Variants in NF2 observed in about 807,000 individuals in gnomAD.
NF2 encodes merlin.
NF2 carries 8 observed loss-of-function variants against 83.7 expected under a neutral mutation model. The observed-to-expected ratio is 0.10, with a 90% CI of 0.06 to 0.17. The LOEUF (loss-of-function observed/expected upper bound fraction) is 0.17. Among genes scored for constraint, NF2 ranks in the 10% least tolerant of loss-of-function variants. The probability of loss-of-function intolerance (pLI) is 1.00; values close to 1 mark genes in which losing one functional copy is unlikely to be tolerated. For synonymous variants in NF2, 266 were observed against 269.6 expected, an observed-to-expected ratio of 0.99 and a Z score of 0.13; for missense variants, 533 against 744.4, an observed-to-expected ratio of 0.72 and a Z score of 3.31.
intron 15 of NF2, among the ~76,000 whole-genome samples, chr22:29,688,865 T>C (rs1875972375): frequency 6.6e-6 from 1 of 152,230 alleles, no homozygotes; most frequent in Admixed American, 6.5e-5. Context: ...TGGGTGCAGC[T>C]GTCCCTAGCC....
chr22:29,613,429 G>T (rs190582615), intron 1 of NF2, among the ~76,000 whole-genome samples: 33 of 152,196 alleles, frequency 2.2e-4, no homozygotes, highest in Admixed American at 2.0e-3. Flanking sequence ...GCTTGGGAGG[G>T]CTGAGGCACA....
At chr22:29,628,567 A>G (rs1375083917) in intron 1 of NF2, among the ~76,000 whole-genome samples, 1 of 150,616 alleles carries the variant, frequency 6.6e-6, no homozygotes, top group Non-Finnish European at 1.5e-5. Flanking sequence ...GCAGAAACTG[A>G]CAGGGCAAGA....
At chr22:29,634,156 A>G (rs1349948927) in intron 1 of NF2, among the ~76,000 whole-genome samples, 1 of 152,206 alleles carries the variant, frequency 6.6e-6, no homozygotes, top group East Asian at 1.9e-4. Flanking sequence ...GCAGCTGGCA[A>G]AGAATCCTGT....
intron 8 of NF2, among the ~76,000 whole-genome samples, chr22:29,662,075 TCATC>T (rs1005945846): frequency 5.3e-5 from 8 of 152,250 alleles, no homozygotes; most frequent in Admixed American, 5.2e-4. Flanking sequence ...TTATGTTTAC[TCATC>T]CATCCATTCA....
intron 7 of NF2, among the ~76,000 whole-genome samples, chr22:29,660,441 A>G (rs1754387840): frequency 6.6e-6 from 1 of 152,174 alleles, no homozygotes; most frequent in Non-Finnish European, 1.5e-5. Flanking sequence ...ATTTTACCAG[A>G]CTTGCTTTAT....
chr22:29,616,647 C>G (rs1461861646), intron 1 of NF2, among the ~76,000 whole-genome samples: 1 of 151,242 alleles, frequency 6.6e-6, no homozygotes. Context: ...GAGGCTGAGG[C>G]AGGAGAATCA....
rs1453410845 is a variant in NF2 at position 29,697,048 on chromosome 22, C to T, written c.*2246C>T. 2 of 189,730 alleles carry T rather than the reference C, an allele frequency of 1.1e-5. No homozygotes were observed. Among genetic ancestry groups the T allele is most frequent in the Non-Finnish European group, 1.1e-5 (1 of 90,364 alleles). 11.8% of individuals were successfully genotyped at this position (189,730 alleles called of 1,614,324 possible). On this transcript the variant is annotated 3_prime_UTR_variant, in exon 16 of 16. Coordinates refer to ENST00000338641, the MANE Select transcript of NF2 (RefSeq NM_000268.4). ...GCCAGACTGGTCTCGAACTCCTGAC[C>T]TCAGGTGATCCTCCCACCCCGGCTT...
At position 29,661,320 on chromosome 22, in the gene NF2, T is replaced by G; in HGVS notation, c.791T>G (p.Ile264Ser). Reference sequence around the variant, plus strand: ...TTCCCGTGGAATGAAATCCGAAACATCTCGTACAGTGACAAGGAGGTAGGA... The same window carrying G: ...TTCCCGTGGAATGAAATCCGAAACAGCTCGTACAGTGACAAGGAGGTAGGA... ...ISFPWNEIRN[I>S]SYSDKEFTIK... Residue 264 changes from isoleucine (I) to serine (S), a missense_variant, in exon 8 of 16, where the codon ATC becomes AGC. By Grantham distance (142) the Ile-to-Ser change is moderately radical. This residue lies in a region of NF2 where 326 missense variants were observed against 475.1 expected (regional missense o/e 0.69). Transcript: ENST00000338641. 6.2e-7 allele frequency: 1 copy of G among 1,614,082 alleles called. No homozygotes were observed. The highest frequency in any genetic ancestry group is 8.5e-7 in the Non-Finnish European group (1 of 1,180,028).
chr22:29,698,355 C>T lies in NF2; in HGVS notation c.*3553C>T, dbSNP rs553652217. On this transcript the variant is annotated 3_prime_UTR_variant, in exon 16 of 16. Transcript: ENST00000338641. ...GTTCCTCACTGACAGGGTGGGGCCT[C>T]ACCACCCCTGGAGGGAGCAGCGTTG... 2 of 221,538 alleles carry T rather than the reference C, an allele frequency of 9.0e-6. No homozygotes were observed. The highest frequency in any genetic ancestry group is 1.8e-4 in the South Asian group (1 of 5,416). The allele number at this position is 221,538 out of a possible 1,614,324, so 13.7% of individuals were successfully genotyped here. A position where few individuals can be genotyped will look rare whatever the true frequency, so the allele number is the denominator to read the frequency against.
chr22:29,664,677 C>T (rs772733210), intron 8 of NF2, among the ~76,000 whole-genome samples: 1 of 152,226 alleles, frequency 6.6e-6, no homozygotes, highest in Non-Finnish European at 1.5e-5. Flanking sequence ...ATGCCCTCGA[C>T]TACAGTAGCC....
chr22:29,680,275 C>T (rs1340333714), intron 14 of NF2, among the ~76,000 whole-genome samples: 1 of 152,152 alleles, frequency 6.6e-6, no homozygotes, highest in Non-Finnish European at 1.5e-5. Context: ...TCACGCCCAG[C>T]TAACTTTTGT....
intron 8 of NF2, among the ~76,000 whole-genome samples, chr22:29,663,731 A>G (rs1292065024): frequency 1.3e-5 from 2 of 152,236 alleles, no homozygotes; most frequent in East Asian, 3.8e-4. Context: ...TTCTTGGGCA[A>G]TATAACGTGT....
At chr22:29,669,978 G>T (rs2527335) in intron 10 of NF2, among the ~76,000 whole-genome samples, 95,527 of 151,810 alleles carry the variant, frequency 0.63, 30,289 homozygotes, top group East Asian at 0.79. Flanking sequence ...GAAAGTACAG[G>T]GCCAGGAACT....
intron 15 of NF2, 144 bp downstream of exon 15, chr22:29,681,745 A>C: frequency 1.0e-6 from 1 of 968,428 alleles, no homozygotes. Context: ...TTTTTAACTT[A>C]TGCCAGAAAG....
intron 7 of NF2, among the ~76,000 whole-genome samples, chr22:29,658,624 T>TCCCCAC (rs921374908): frequency 1.2e-3 from 34 of 28,308 alleles, no homozygotes; most frequent in African/African-American, 4.7e-3. Flanking sequence ...CCCACCCCCA[T>TCCCCAC]CCCCACCCCC....
chr22:29,615,185 AAAAAAC>A (rs1456776932), intron 1 of NF2, among the ~76,000 whole-genome samples: 6 of 152,198 alleles, frequency 3.9e-5, no homozygotes, highest in Admixed American at 2.6e-4. Flanking sequence ...CTCTGTCTGG[AAAAAAC>A]AAAAACAAAA....
chr22:29,693,522 C>T (rs2283864), intron 15 of NF2, among the ~76,000 whole-genome samples: 5 of 152,008 alleles, frequency 3.3e-5, no homozygotes, highest in Admixed American at 1.3e-4. Flanking sequence ...CCGATAGTAC[C>T]GAGGACTCTT....
At chr22:29,605,208 C>T (rs750282233) in intron 1 of NF2, among the ~76,000 whole-genome samples, 39 of 149,944 alleles carry the variant, frequency 2.6e-4, no homozygotes, top group Admixed American at 2.3e-3. Flanking sequence ...CAGAGTGCAC[C>T]GGGCTAGAGT....
At chr22:29,632,957 G>A (rs184369124) in intron 1 of NF2, among the ~76,000 whole-genome samples, 48 of 152,218 alleles carry the variant, frequency 3.2e-4, no homozygotes, top group Admixed American at 2.5e-3. Flanking sequence ...TGGAAGTCCC[G>A]TCCACACCCC....
Sources: allele counts gnomAD v4.1 joint callset (sites outside exome capture counted in the v4.1 genomes callset), GRCh38; gene constraint gnomAD v4.1.1; regional missense constraint gnomAD v4.1.1; transcripts MANE v1.5; gene names NCBI Gene and HGNC (gene_info 2026-07-23, HGNC 2026-07-21).